The following GMDS variants were observed in gnomAD, a reference collection of about 807,000 sequenced individuals.
GMDS encodes GDP-mannose 4,6-dehydratase.
A neutral mutation model predicts 49.9 loss-of-function variants in GMDS; 20 were observed. The observed-to-expected ratio is 0.40, with a 90% confidence interval of 0.28 to 0.58. GMDS has a LOEUF of 0.58. Among genes scored for constraint, GMDS ranks in the 20% least tolerant of loss-of-function variants. The probability of loss-of-function intolerance (pLI) is 0.42; values close to 1 mark genes in which losing one functional copy is unlikely to be tolerated. For missense variants in GMDS, 362 were observed against 481.4 expected, an observed-to-expected ratio of 0.75 and a Z score of 2.32; for synonymous variants, 177 against 178.6, an observed-to-expected ratio of 0.99 and a Z score of 0.07.
rs185100248 is a variant in GMDS, at chr6:2,099,245, C to T, written c.345+16526G>A. Among the ~76,000 whole-genome samples, 348 of 152,142 alleles carry T rather than the reference C, an allele frequency of 2.3e-3. 1 individual carries two copies. Among genetic ancestry groups the T allele is most frequent in the African/African-American group, 8.2e-3 (339 of 41,542 alleles). ...CCAAACAGCTACTTCCCCTTCCCCACAAAAAAGCATCAATTCGTTAAATAG... is the reference window on the plus strand; with the variant it reads ...CCAAACAGCTACTTCCCCTTCCCCATAAAAAAGCATCAATTCGTTAAATAG... On this transcript the variant is annotated intron_variant, in intron 4 of 10. Coordinates refer to ENST00000380815, the MANE Select transcript of GMDS (RefSeq NM_001500.4).
chr6:2,232,468 C>T (rs1244018470), intron 1 of GMDS, among the ~76,000 whole-genome samples: 1 of 152,198 alleles, frequency 6.6e-6, no homozygotes, highest in Admixed American at 6.5e-5. Context: ...ATCACAACCT[C>T]ACTGGTGTGA....
At chr6:1,956,768 T>A (rs2127290190) in intron 6 of GMDS, among the ~76,000 whole-genome samples, 1 of 152,264 alleles carries the variant, frequency 6.6e-6, no homozygotes, top group South Asian at 2.1e-4. Context: ...ATTTTATCTG[T>A]TTATTAATGT....
At chr6:1,689,560 G>A (rs760309298) in intron 9 of GMDS, among the ~76,000 whole-genome samples, 1 of 152,170 alleles carries the variant, frequency 6.6e-6, no homozygotes, top group Non-Finnish European at 1.5e-5. Context: ...TGGATATTAG[G>A]AGTAAATATG....
chr6:2,192,753 C>T (rs1268800748), intron 1 of GMDS, among the ~76,000 whole-genome samples: 3 of 152,198 alleles, frequency 2.0e-5, no homozygotes, highest in East Asian at 1.9e-4. Flanking sequence ...AGCCCAACCC[C>T]GCACTCACTC....
intron 4 of GMDS, among the ~76,000 whole-genome samples, chr6:2,002,271 GC>G (rs974403695): frequency 2.0e-5 from 3 of 152,180 alleles, no homozygotes; most frequent in African/African-American, 7.2e-5. Flanking sequence ...CAGTGTCTCT[GC>G]CCTCAGGGCT....
At chr6:2,042,429 T>A (rs989263382) in intron 4 of GMDS, among the ~76,000 whole-genome samples, 2 of 151,978 alleles carry the variant, frequency 1.3e-5, no homozygotes, top group Non-Finnish European at 2.9e-5. Flanking sequence ...CTCAAACTCG[T>A]CCCCACCCCA....
At chr6:2,014,507 G>T (rs1767776408) in intron 4 of GMDS, among the ~76,000 whole-genome samples, 1 of 151,970 alleles carries the variant, frequency 6.6e-6, no homozygotes, top group African/African-American at 2.4e-5. Context: ...ATTTAAAAGT[G>T]AATTTAAATT....
At chr6:1,650,930 A>G (rs1244700958) in intron 9 of GMDS, among the ~76,000 whole-genome samples, 1 of 152,198 alleles carries the variant, frequency 6.6e-6, no homozygotes, top group African/African-American at 2.4e-5. Flanking sequence ...TCTAAAGAAT[A>G]AAACAGTCTT....
intron 7 of GMDS, among the ~76,000 whole-genome samples, chr6:1,801,253 T>C (rs1285299348): frequency 1.3e-5 from 2 of 152,188 alleles, no homozygotes; most frequent in African/African-American, 2.4e-5. Context: ...AAGTAGACAT[T>C]TCCAGTTTGT....
intron 1 of GMDS, among the ~76,000 whole-genome samples, chr6:2,153,872 T>C (rs148046182): frequency 6.6e-6 from 1 of 152,148 alleles, no homozygotes; most frequent in Non-Finnish European, 1.5e-5. Context: ...CAGAACTGTA[T>C]GCAGAATATA....
intron 7 of GMDS, among the ~76,000 whole-genome samples, chr6:1,819,765 A>AAC (rs1445768557): frequency 9.2e-6 from 1 of 108,116 alleles, no homozygotes; most frequent in African/African-American, 3.0e-5. Context: ...TGCCTCAAAA[A>AAC]AAAAAAAAAA....
chr6:2,012,406 A>G (rs755939397), intron 4 of GMDS, among the ~76,000 whole-genome samples: 2 of 152,202 alleles, frequency 1.3e-5, no homozygotes, highest in South Asian at 2.1e-4. Context: ...TATGTGAAAT[A>G]TAAGTATGAA....
In GMDS at chr6:2,177,107, G is replaced by A. The variant is rs931805528; in HGVS notation, c.103-52376C>T. Reference sequence around the variant, plus strand: ...TTGGAACGCCAGCCTTGGTAAGCAGGAGGCATGTTTTCCTGTTCAGAGACT... The same window carrying A: ...TTGGAACGCCAGCCTTGGTAAGCAGAAGGCATGTTTTCCTGTTCAGAGACT... On this transcript the variant is annotated intron_variant, in intron 1 of 10. Coordinates refer to ENST00000380815, the MANE Select transcript of GMDS (RefSeq NM_001500.4). 5.9e-5 allele frequency among the ~76,000 whole-genome samples: 9 copies of A among 152,184 alleles called. No individual in the cohort carries two copies. In the East Asian group the frequency reaches 1.7e-3, roughly 29 times the overall value.
At chr6:1,844,151 G>A (rs918831423) in intron 7 of GMDS, among the ~76,000 whole-genome samples, 1 of 152,156 alleles carries the variant, frequency 6.6e-6, no homozygotes, top group Non-Finnish European at 1.5e-5. Context: ...CCATTCACTA[G>A]GGCTTATTAT....
intron 1 of GMDS, among the ~76,000 whole-genome samples, chr6:2,225,513 C>T (rs1463156914): frequency 6.6e-6 from 1 of 152,220 alleles, no homozygotes; most frequent in African/African-American, 2.4e-5. Flanking sequence ...TGCCACAGCT[C>T]TCTTCCATAA....
At chr6:1,877,627 G>A (rs1466269999) in intron 7 of GMDS, among the ~76,000 whole-genome samples, 1 of 125,520 alleles carries the variant, frequency 8.0e-6, no homozygotes, top group African/African-American at 3.1e-5. Flanking sequence ...GACAGAGTGA[G>A]ACCCCATCTC....
At chr6:1,636,987 C>T (rs1763173441) in intron 9 of GMDS, among the ~76,000 whole-genome samples, 1 of 152,244 alleles carries the variant, frequency 6.6e-6, no homozygotes, top group Non-Finnish European at 1.5e-5. Flanking sequence ...TTCTGCCAGG[C>T]CTGCTGGTGC....
intron 7 of GMDS, among the ~76,000 whole-genome samples, chr6:1,773,318 A>AACATTT (rs1561794840): frequency 5.3e-5 from 8 of 152,142 alleles, no homozygotes; most frequent in African/African-American, 1.9e-4. Context: ...CATTTACTGA[A>AACATTT]TAATTCTCTA....
At chr6:1,808,908 G>C (rs1284989291) in intron 7 of GMDS, among the ~76,000 whole-genome samples, 2 of 148,326 alleles carry the variant, frequency 1.3e-5, no homozygotes, top group African/African-American at 5.2e-5. Context: ...CTCTCTCTGT[G>C]TGTGTGTGTG....
Sources: allele counts gnomAD v4.1 joint callset (sites outside exome capture counted in the v4.1 genomes callset), GRCh38; gene constraint gnomAD v4.1.1; transcripts MANE v1.5; gene names NCBI Gene and HGNC (gene_info 2026-07-23, HGNC 2026-07-21).